Variants in ZNF493 observed in about 807,000 individuals in gnomAD.
The protein encoded by ZNF493 is zinc finger protein 493.
In ZNF493, 11 loss-of-function variants were observed where a neutral mutation model predicts 12.2. The ratio of observed to expected loss-of-function variants is 0.90; its 90% CI spans 0.57 to 1.50. The LOEUF is 1.50. ZNF493 is among the 40% of genes most tolerant of loss of function. The pLI, the probability that ZNF493 is intolerant of heterozygous loss-of-function variation, is 0.00. For synonymous variants in ZNF493, 286 were observed against 302.6 expected (o/e 0.95, Z 0.57); for missense variants, 950 against 906.6 (o/e 1.05, Z -0.61).
At position 21,422,990 on chromosome 19, in the gene ZNF493, G is replaced by A. The variant is rs2030726584; in HGVS notation, c.331G>A (p.Glu111Lys). The change falls in exon 4 of 4, where the codon GAA (glutamate) becomes AAA (lysine). Residue 111 changes from glutamate to lysine, a missense_variant. By Grantham distance (56) the Glu-to-Lys change is moderately conservative (BLOSUM62 1). Transcript: ENST00000392288. The stretch of plus-strand genomic sequence containing the variant: ...TTCTTTTCAAAAAGTGATACTGAGA[G>A]AATATGTAAAATGTGGACATAAGGA... Reference protein sequence around the residue: ...KDSFQKVILREYVKCGHKDLQ... With the variant: ...KDSFQKVILRKYVKCGHKDLQ... The A allele has an allele frequency of 6.2e-7, 1 of 1,609,396 alleles. No individual in the cohort carries two copies. The highest frequency in any genetic ancestry group is 8.5e-7 in the Non-Finnish European group (1 of 1,178,464).
intron 3 of ZNF493, among the ~76,000 whole-genome samples, chr19:21,416,861 C>G (rs190216386): frequency 6.2e-4 from 95 of 152,316 alleles, no homozygotes; most frequent in Admixed American, 1.7e-3. Flanking sequence ...TAAACTTAAA[C>G]TAGAACTTCC....
Position 21,414,991 on chromosome 19 carries a change from G to A in ZNF493, c.254-7922G>A, listed in dbSNP as rs533763472. 2.4e-4 allele frequency among the ~76,000 whole-genome samples: 36 copies of A among 152,208 alleles called. 1 individual carries two copies. The highest frequency in any genetic ancestry group is 6.8e-3 in the Middle Eastern group (2 of 294). ...AAAAGCTTGCTGTATTTGTACCTTC[G>A]TGAGAGAGACAATAACTTTTCCAGG... On this transcript the variant is annotated intron_variant, in intron 3 of 3. Transcript: ENST00000392288.
chr19:21,419,867 G>A (rs972566078), intron 3 of ZNF493, among the ~76,000 whole-genome samples: 1 of 152,098 alleles, frequency 6.6e-6, no homozygotes, highest in Non-Finnish European at 1.5e-5. Flanking sequence ...TAGGGTGAGA[G>A]GGAAGAGAGA....
At chr19:21,409,082 C>T (rs2030237072) in intron 3 of ZNF493, among the ~76,000 whole-genome samples, 1 of 151,802 alleles carries the variant, frequency 6.6e-6, no homozygotes, top group Admixed American at 6.6e-5. Context: ...GACGGGGTTT[C>T]ACCATATTAG....
intron 3 of ZNF493, among the ~76,000 whole-genome samples, chr19:21,411,645 A>G (rs999248321): frequency 1.3e-5 from 2 of 151,774 alleles, no homozygotes; most frequent in Admixed American, 6.6e-5. Context: ...GCTTGAACCC[A>G]GGAGGCAGAG....
intron 3 of ZNF493, among the ~76,000 whole-genome samples, chr19:21,418,049 C>T (rs926901332): frequency 6.6e-6 from 1 of 152,184 alleles, no homozygotes; most frequent in Admixed American, 6.5e-5. Flanking sequence ...CTATATCACT[C>T]TCTCGTCTAG....
At chr19:21,399,522 C>T (rs1974227591) in intron 1 of ZNF493, among the ~76,000 whole-genome samples, 1 of 152,166 alleles carries the variant, frequency 6.6e-6, no homozygotes, top group Admixed American at 6.5e-5. Context: ...GATTTGTTCA[C>T]TTATTTTGAC....
chr19:21,410,058 GTGTATATATATATA>G lies in ZNF493; in HGVS notation c.253+4204_253+4217del, dbSNP rs147904232. Among the ~76,000 whole-genome samples the G allele has an allele frequency of 5.5e-3, 765 of 139,912 alleles. 10 individuals carry two copies. Among genetic ancestry groups the G allele is most frequent in the African/African-American group, 0.018 (690 of 37,682 alleles). 91.8% of individuals were successfully genotyped at this position (139,912 alleles called of 152,430 possible). A position where few individuals can be genotyped will look rare whatever the true frequency, so the allele number is the denominator to read the frequency against. On this transcript the variant is annotated intron_variant, in intron 3 of 3. Coordinates refer to ENST00000392288, the MANE Select transcript of ZNF493 (RefSeq NM_001076678.3). ...TTAAGACTGAATAATATTTCATTGT[GTGTATATATATATA>G]TATATATATATATATATATGCAACA...
At chr19:21,420,016 T>C (rs1241212425) in intron 3 of ZNF493, among the ~76,000 whole-genome samples, 1 of 152,170 alleles carries the variant, frequency 6.6e-6, no homozygotes, top group Admixed American at 6.5e-5. Context: ...CCTCAGGAAT[T>C]ATGCCCACAA....
In ZNF493 at chr19:21,426,147, TTTCTA is replaced by T; in HGVS notation, c.*1164_*1168del. 1 of 231,416 alleles carries T rather than the reference TTTCTA, an allele frequency of 4.3e-6. No individual in the cohort carries two copies. The highest frequency in any genetic ancestry group is 9.5e-6 in the Non-Finnish European group (1 of 105,402). The allele number at this position is 231,416 out of a possible 1,614,324, so 14.3% of individuals were successfully genotyped here. ...AGTGCTTCTGACAACATCTCAAACT[TTTCTA>T]ATCATAAAAGAAATCATATTGGTGA... is the stretch of plus-strand genomic sequence containing the variant. On this transcript the variant is annotated 3_prime_UTR_variant, in exon 4 of 4. Transcript: ENST00000392288.
intron 3 of ZNF493, chr19:21,413,750 A>C: frequency 6.4e-6 from 2 of 312,608 alleles, no homozygotes; most frequent in African/African-American, 2.2e-5. Context: ...ACTTTTTGTT[A>C]TTGGATCTCT....
At chr19:21,407,008 G>T (rs1040749002) in intron 3 of ZNF493, among the ~76,000 whole-genome samples, 2 of 151,460 alleles carry the variant, frequency 1.3e-5, no homozygotes, top group African/African-American at 4.8e-5. Context: ...TTTGCCTCGG[G>T]TTAAATTTGT....
intron 3 of ZNF493, among the ~76,000 whole-genome samples, chr19:21,410,786 T>G (rs12979960): frequency 0.048 from 7,259 of 151,970 alleles, 237 homozygotes; most frequent in East Asian, 0.077. Flanking sequence ...AGTTTTTTTG[T>G]TTTTGTTTTT....
rs1028781739 is a variant in ZNF493, at chr19:21,423,753, C to T, written c.1094C>T (p.Thr365Ile). 1.9e-6 allele frequency: 3 copies of T among 1,613,168 alleles called. No individual in the cohort carries two copies. Among genetic ancestry groups the T allele is most frequent in the South Asian group, 2.2e-5 (2 of 91,050 alleles). The change falls in exon 4 of 4, where the codon ACT (threonine) becomes ATT (isoleucine). Residue 365 changes from threonine to isoleucine, a missense_variant. Physicochemically the swap from Thr to Ile is moderately conservative, Grantham distance 89. Coordinates refer to ENST00000392288, the MANE Select transcript of ZNF493 (RefSeq NM_001076678.3). Reference sequence around the variant, plus strand: ...GCTTATAAGGAGTCCTCACACCTTACTACACATAAAAGAATTCATACTGGA... The same window carrying T: ...GCTTATAAGGAGTCCTCACACCTTATTACACATAAAAGAATTCATACTGGA... ...CKAYKESSHLTTHKRIHTGEK... is the reference protein window; with the variant it reads ...CKAYKESSHLITHKRIHTGEK...
rs780353313 is a variant in ZNF493, at chr19:21,423,771, A to C, written c.1112A>C (p.His371Pro). The C allele has an allele frequency of 1.2e-6, 2 of 1,613,210 alleles. No individual in the cohort carries two copies. Among genetic ancestry groups the C allele is most frequent in the South Asian group, 1.1e-5 (1 of 91,058 alleles). Residue 371 changes from histidine to proline, a missense_variant, in exon 4 of 4, where the codon CAT (histidine) becomes CCT (proline). Physicochemically the swap from His to Pro is moderately conservative, Grantham distance 77. Coordinates refer to ENST00000392288, the MANE Select transcript of ZNF493 (RefSeq NM_001076678.3). ...SSHLTTHKRI[H>P]TGEKPYKCEE... ...CACCTTACTACACATAAAAGAATTC[A>C]TACTGGAGAGAAACCCTACAAATGT...
rs559142620 is a variant in ZNF493 at position 21,408,587 on chromosome 19, T to C, written c.253+2731T>C. 6.1e-6 allele frequency: 6 copies of C among 985,160 alleles called. No homozygotes were observed. In the African/African-American group the frequency reaches 1.0e-4, roughly 17 times the overall value. The allele number at this position is 985,160 out of a possible 1,614,324, so 61.0% of individuals were successfully genotyped here. On this transcript the variant is annotated intron_variant, in intron 3 of 3. Transcript: ENST00000392288. ...TACTGTAGTTAGACAAATTCTTTTT[T>C]AATGGTATATTAATGTTGCATACCA...
intron 3 of ZNF493, among the ~76,000 whole-genome samples, chr19:21,415,083 A>G (rs1386977167): frequency 6.6e-6 from 1 of 152,172 alleles, no homozygotes; most frequent in African/African-American, 2.4e-5. Context: ...TTTGATTTAA[A>G]TAAGGAGTTA....
chr19:21,407,354 T>C (rs2030165506), intron 3 of ZNF493: 1 of 152,200 alleles, frequency 6.6e-6, no homozygotes, highest in Non-Finnish European at 1.5e-5. Context: ...AGTGGTGCCA[T>C]CTCTGCTCAC....
chr19:21,426,090 C>G lies in ZNF493; in HGVS notation c.*1106C>G, dbSNP rs1038798588. ...AACACACATACGATAATTCTTACTG[C>G]AGAGAAACTCTACAAACCAGTAAGA... is the stretch of plus-strand genomic sequence containing the variant. On this transcript the variant is annotated 3_prime_UTR_variant, in exon 4 of 4. Transcript: ENST00000392288. 1.3e-5 allele frequency: 4 copies of G among 317,598 alleles called. No individual in the cohort carries two copies. Among genetic ancestry groups the G allele is most frequent in the African/African-American group, 2.2e-5 (1 of 45,716 alleles). The allele number at this position is 317,598 out of a possible 1,614,324, so 19.7% of individuals were successfully genotyped here.
Sources: gnomAD v4.1 joint callset for allele counts (sites outside exome capture counted in the v4.1 genomes callset) on GRCh38, gnomAD v4.1.1 for gene constraint, MANE v1.5 for transcripts, NCBI Gene and HGNC (gene_info 2026-07-23, HGNC 2026-07-21) for gene names.